Variants in PAICS observed in about 807,000 individuals in gnomAD.
The protein encoded by PAICS is phosphoribosylaminoimidazole carboxylase and phosphoribosylaminoimidazolesuccinocarboxamide synthase.
A neutral mutation model predicts 53.7 loss-of-function variants in PAICS; 33 were observed. That is an observed-to-expected ratio of 0.61 (90% CI 0.47 to 0.82). PAICS has a LOEUF of 0.82. PAICS is among the 40% of genes least tolerant of loss of function. The pLI, the probability that PAICS is intolerant of heterozygous loss-of-function variation, is 0.00. For missense variants in PAICS, 394 were observed against 494.1 expected (o/e 0.80, Z 1.92); for synonymous variants, 141 against 167.2 (o/e 0.84, Z 1.21).
At chr4:56,413,856 C>G in the PAICS span, among the ~76,000 whole-genome samples, 2 of 152,136 alleles carry the variant, frequency 1.3e-5, no homozygotes, top group Admixed American at 1.3e-4. Context: ...AAGATCACAC[C>G]ACTGCACTCC....
intron 5 of PAICS, among the ~76,000 whole-genome samples, chr4:56,450,370 T>A (rs1306788325): frequency 6.6e-6 from 1 of 152,158 alleles, no homozygotes; most frequent in African/African-American, 2.4e-5. Flanking sequence ...CTTTCTATAC[T>A]TAATATATAA....
chr4:56,411,618 AC>A, the PAICS span, among the ~76,000 whole-genome samples: 1 of 152,214 alleles, frequency 6.6e-6, no homozygotes, highest in Non-Finnish European at 1.5e-5. Flanking sequence ...TGAGATGTCT[AC>A]CATAGTCTAA....
upstream of PAICS, chr4:56,436,227 C>G: frequency 6.5e-7 from 1 of 1,539,818 alleles, no homozygotes; most frequent in Non-Finnish European, 8.8e-7. Context: ...TCCTTCCCCG[C>G]CCAGCGAAGC....
chr4:56,417,846 T>TTTTC, the PAICS span, among the ~76,000 whole-genome samples: 1 of 150,148 alleles, frequency 6.7e-6, no homozygotes, highest in African/African-American at 2.5e-5. Context: ...TTTTTTGTTT[T>TTTTC]TTTTTTTTTT....
At chr4:56,420,452 G>C in the PAICS span, 1 of 152,032 alleles carries the variant, frequency 6.6e-6, no homozygotes, top group Admixed American at 6.6e-5. Context: ...TACCATAAGA[G>C]GAATATTATA....
intron 1 of PAICS, 119 bp downstream of exon 1, chr4:56,436,447 C>G: frequency 3.4e-6 from 3 of 872,714 alleles, no homozygotes; most frequent in Admixed American, 4.0e-5. Context: ...TCTAGGCAGC[C>G]GCGCGGGCGC....
the PAICS span, among the ~76,000 whole-genome samples, chr4:56,426,058 T>C: frequency 6.6e-6 from 1 of 152,176 alleles, no homozygotes; most frequent in South Asian, 2.1e-4. Context: ...TCCACAGTTA[T>C]ACAATAATCA....
At chr4:56,431,819 G>T (rs1282682893), upstream of PAICS, among the ~76,000 whole-genome samples, 1 of 152,150 alleles carries the variant, frequency 6.6e-6, no homozygotes, top group Admixed American at 6.5e-5. Flanking sequence ...TGTCTGGTTT[G>T]TTCAGAACTC....
chr4:56,453,734 G>A lies in PAICS; in HGVS notation c.1084G>A (p.Val362Met), dbSNP rs1719042982. The change falls in exon 8 of 9, where the codon GTG (valine) becomes ATG (methionine). Residue 362 changes from valine to methionine, a missense_variant. Val to Met is a conservative substitution (Grantham distance 21). This residue lies in a region of PAICS where 95 missense variants were observed against 89.3 expected (regional missense o/e 1.06). Coordinates refer to ENST00000512576, the MANE Select transcript of PAICS (RefSeq NM_001079524.2). ...CACACCAGACTGGGGAGTTCAGGAT[G>A]TGTGGTCTTCTCTTCGACTACCCAG... is the stretch of plus-strand genomic sequence containing the variant. Reference protein sequence around the residue: ...PLTPDWGVQDVWSSLRLPSGL... With the variant: ...PLTPDWGVQDMWSSLRLPSGL... The A allele has an allele frequency of 6.5e-7, 1 of 1,549,368 alleles. No individual in the cohort carries two copies. The highest frequency in any genetic ancestry group is 8.7e-7 in the Non-Finnish European group (1 of 1,144,636).
the PAICS span, among the ~76,000 whole-genome samples, chr4:56,419,365 G>A: frequency 6.6e-6 from 1 of 151,920 alleles, no homozygotes; most frequent in African/African-American, 2.4e-5. Context: ...AGAAAAAAAA[G>A]GTATACAGGA....
Position 56,459,498 on chromosome 4 carries a change from T to C in PAICS, c.1238T>C (p.Leu413Ser). 1 of 1,581,474 alleles carries C rather than the reference T, an allele frequency of 6.3e-7. No homozygotes were observed. ...RASILNTWIS[L>S]KQADKKIREC... ...AGCATTTTGAACACATGGATTTCCTTGAAGCAGGCTGACAAGAAAATCAGA... is the reference window on the plus strand; with the variant it reads ...AGCATTTTGAACACATGGATTTCCTCGAAGCAGGCTGACAAGAAAATCAGA... Residue 413 changes from leucine (L) to serine (S), a missense_variant, in exon 9 of 9, where the codon TTG (leucine) becomes TCG (serine). Transcript: ENST00000512576.
intron 2 of PAICS, among the ~76,000 whole-genome samples, chr4:56,443,988 A>AT (rs1342039021): frequency 6.6e-6 from 1 of 152,178 alleles, no homozygotes; most frequent in Non-Finnish European, 1.5e-5. Flanking sequence ...ATTTTTTAAA[A>AT]TTTCTAAACA....
chr4:56,413,079 G>A, the PAICS span, among the ~76,000 whole-genome samples: 28 of 152,274 alleles, frequency 1.8e-4, no homozygotes, highest in Admixed American at 5.2e-4. Context: ...ATTACTTTAA[G>A]ACACAAAGTA....
the PAICS span, among the ~76,000 whole-genome samples, chr4:56,424,632 TTTTA>T: frequency 6.6e-6 from 1 of 152,210 alleles, no homozygotes; most frequent in Non-Finnish European, 1.5e-5. Flanking sequence ...CTAAAACATA[TTTTA>T]TTTTTCTCCC....
chr4:56,411,735 G>A, the PAICS span, among the ~76,000 whole-genome samples: 4 of 152,142 alleles, frequency 2.6e-5, no homozygotes, highest in Non-Finnish European at 4.4e-5. Context: ...TTAGTAATGC[G>A]AAACCTCAAA....
chr4:56,436,447 C>A (rs368787644), intron 1 of PAICS, 119 bp downstream of exon 1: 5 of 872,596 alleles, frequency 5.7e-6, no homozygotes, highest in African/African-American at 1.7e-5. Flanking sequence ...TCTAGGCAGC[C>A]GCGCGGGCGC....
At chr4:56,436,553 G>A (rs1717982242) in intron 1 of PAICS, 4 of 706,694 alleles carry the variant, frequency 5.7e-6, no homozygotes, top group South Asian at 1.5e-5. Flanking sequence ...ATGGCCAAGG[G>A]GTGGAAAGGT....
intron 8 of PAICS, 70 bp downstream of exon 8, chr4:56,453,831 T>A (rs1407382524): frequency 3.6e-6 from 4 of 1,101,192 alleles, no homozygotes; most frequent in Non-Finnish European, 3.9e-6. Context: ...GTAGACAGAA[T>A]AGCATAATAA....
the PAICS span, chr4:56,420,006 G>A: frequency 3.0e-6 from 3 of 985,100 alleles, no homozygotes; most frequent in African/African-American, 3.5e-5. Context: ...TGGAGAACAT[G>A]TCACAGAATG....
Sources: allele counts gnomAD v4.1 joint callset (sites outside exome capture counted in the v4.1 genomes callset), GRCh38; gene constraint gnomAD v4.1.1; regional missense constraint gnomAD v4.1.1; transcripts MANE v1.5; gene names NCBI Gene and HGNC (gene_info 2026-07-23, HGNC 2026-07-21).